The following ZFAT variants were observed in gnomAD, a reference collection of about 807,000 sequenced individuals.
ZFAT encodes zinc finger and AT-hook domain containing, also known as zinc finger protein ZFAT.
Under a neutral mutation model 117.7 loss-of-function variants are expected in ZFAT, and 64 were observed. The ratio of observed to expected loss-of-function variants is 0.54; its 90% CI spans 0.44 to 0.67. The LOEUF (loss-of-function observed/expected upper bound fraction) is 0.67. Ranked by LOEUF, ZFAT falls within the 30% of genes least tolerant of loss-of-function variation. The pLI is 0.00. For missense variants in ZFAT, 1,433 were observed against 1,584.5 expected (o/e 0.90, Z 1.62); for synonymous variants, 679 against 615.0 (o/e 1.10, Z -1.54).
chr8:134,605,840 C>T (rs7835873), intron 5 of ZFAT, among the ~76,000 whole-genome samples: 16,151 of 152,190 alleles, frequency 0.11, 1,090 homozygotes, highest in East Asian at 0.36. Context: ...ACAGCCCTGC[C>T]CTCTGGAGCT....
chr8:134,622,467 C>G (rs1267370154), intron 3 of ZFAT, among the ~76,000 whole-genome samples: 4 of 152,192 alleles, frequency 2.6e-5, no homozygotes, highest in Non-Finnish European at 4.4e-5. Flanking sequence ...TCTATGACGA[C>G]AGGGTCTAGT....
chr8:134,668,971 C>T (rs972458828), intron 1 of ZFAT, among the ~76,000 whole-genome samples: 11 of 152,024 alleles, frequency 7.2e-5, no homozygotes, highest in Non-Finnish European at 2.9e-5. Flanking sequence ...GTTTCAGTAG[C>T]CGATTCGATC....
the ZFAT span, among the ~76,000 whole-genome samples, chr8:134,720,374 G>C: frequency 6.6e-6 from 1 of 152,218 alleles, no homozygotes; most frequent in African/African-American, 2.4e-5. Context: ...TTCAGGGAGG[G>C]TTTTGAGAGT....
intron 1 of ZFAT, among the ~76,000 whole-genome samples, chr8:134,712,587 G>T (rs1814044646): frequency 6.6e-6 from 1 of 151,108 alleles, no homozygotes; most frequent in South Asian, 2.1e-4. Flanking sequence ...CCGTGGAAAC[G>T]GCCGGGCGCA....
chr8:134,755,684 T>C, the ZFAT span, among the ~76,000 whole-genome samples: 2 of 151,560 alleles, frequency 1.3e-5, no homozygotes, highest in Non-Finnish European at 2.9e-5. Flanking sequence ...TGGTGGCACA[T>C]GCCTGTAATC....
At chr8:134,762,095 T>A in the ZFAT span, among the ~76,000 whole-genome samples, 1 of 151,960 alleles carries the variant, frequency 6.6e-6, no homozygotes, top group Non-Finnish European at 1.5e-5. Context: ...TGGCCCATCT[T>A]ACAACACTCC....
intron 10 of ZFAT, among the ~76,000 whole-genome samples, chr8:134,580,363 C>T (rs114931838): frequency 2.2e-3 from 339 of 152,270 alleles, no homozygotes; most frequent in African/African-American, 7.9e-3. Flanking sequence ...ATCTTGGCTT[C>T]TAAGTAAAAA....
At chr8:134,576,596 C>T (rs186549050) in intron 10 of ZFAT, among the ~76,000 whole-genome samples, 2 of 152,302 alleles carry the variant, frequency 1.3e-5, no homozygotes, top group East Asian at 3.9e-4. Context: ...TATTTACTTC[C>T]TGGTTCTGTT....
At chr8:134,719,674 A>G in the ZFAT span, among the ~76,000 whole-genome samples, 1 of 152,228 alleles carries the variant, frequency 6.6e-6, no homozygotes, top group East Asian at 1.9e-4. Flanking sequence ...GACTCAGTGC[A>G]GTAACAGAGG....
At chr8:134,725,714 G>A in the ZFAT span, among the ~76,000 whole-genome samples, 15 of 151,834 alleles carry the variant, frequency 9.9e-5, no homozygotes, top group Admixed American at 7.9e-4. Context: ...TTGAATGAAC[G>A]AAGCAACTAG....
the ZFAT span, among the ~76,000 whole-genome samples, chr8:134,757,443 G>A: frequency 6.6e-6 from 1 of 152,028 alleles, no homozygotes; most frequent in Admixed American, 6.5e-5. Context: ...AGTGATCCTA[G>A]GAAGCACACT....
At chr8:134,671,766 G>A (rs944589869) in intron 1 of ZFAT, among the ~76,000 whole-genome samples, 1 of 152,150 alleles carries the variant, frequency 6.6e-6, no homozygotes, top group East Asian at 1.9e-4. Flanking sequence ...CAATCAGGCA[G>A]GACAAAGAAA....
intron 15 of ZFAT, among the ~76,000 whole-genome samples, chr8:134,500,917 AATTAGG>A (rs1418208635): frequency 6.6e-6 from 1 of 152,220 alleles, no homozygotes; most frequent in Non-Finnish European, 1.5e-5. Context: ...CTGCATGTAT[AATTAGG>A]AGTTTCATAC....
chr8:134,786,309 C>T, the ZFAT span, among the ~76,000 whole-genome samples: 3 of 152,210 alleles, frequency 2.0e-5, no homozygotes, highest in African/African-American at 2.4e-5. Flanking sequence ...TACAATATCC[C>T]ATTCCTGTAC....
intron 2 of ZFAT, among the ~76,000 whole-genome samples, chr8:134,642,669 T>C (rs961891292): frequency 2.0e-5 from 3 of 152,192 alleles, no homozygotes; most frequent in African/African-American, 7.2e-5. Flanking sequence ...GGAAATCCAA[T>C]GTAGAATTAA....
intron 2 of ZFAT, 142 bp from the exon 3 acceptor site, chr8:134,637,854 G>T: frequency 8.6e-7 from 1 of 1,156,672 alleles, no homozygotes; most frequent in Non-Finnish European, 1.2e-6. Flanking sequence ...GACATTAACA[G>T]CTGCAAACAA....
the ZFAT span, among the ~76,000 whole-genome samples, chr8:134,753,225 G>A: frequency 3.8e-5 from 4 of 106,024 alleles, no homozygotes; most frequent in East Asian, 2.6e-4. Context: ...CAAAACCAAC[G>A]AACCAACCAA....
At chr8:134,669,063 AAAGAAATGAACAAAGCCTCC>A (rs1832411835) in intron 1 of ZFAT, among the ~76,000 whole-genome samples, 2 of 152,216 alleles carry the variant, frequency 1.3e-5, no homozygotes, top group African/African-American at 4.8e-5. Flanking sequence ...AAAAGAGGAA[AAAGAAATGAACAAAGCCTCC>A]AAGAAATATG....
intron 10 of ZFAT, among the ~76,000 whole-genome samples, chr8:134,574,883 A>T (rs1214429822): frequency 6.6e-6 from 1 of 152,158 alleles, no homozygotes; most frequent in Non-Finnish European, 1.5e-5. Flanking sequence ...TTTTTAGAAA[A>T]TTGACTTTAC....
Sources: allele counts gnomAD v4.1 joint callset (sites outside exome capture counted in the v4.1 genomes callset), GRCh38; gene constraint gnomAD v4.1.1; transcripts MANE v1.5; gene names NCBI Gene and HGNC (gene_info 2026-07-23, HGNC 2026-07-21).